The following GALNT17 variants were observed in gnomAD, a reference collection of about 807,000 sequenced individuals.
GALNT17 encodes polypeptide N-acetylgalactosaminyltransferase 17, also known as UDP-GalNAc:polypeptide N-acetylgalactosaminyltransferase-like 3.
Under a neutral mutation model 63.7 loss-of-function variants are expected in GALNT17, and 29 were observed. The observed-to-expected ratio is 0.46, with a 90% CI of 0.34 to 0.62. The LOEUF is 0.62. Among genes scored for constraint, GALNT17 ranks in the 20% least tolerant of loss-of-function variants. GALNT17 has a pLI of 0.01. For missense variants in GALNT17, 603 were observed against 799.6 expected (o/e 0.75, Z 2.97); for synonymous variants, 305 against 318.3 (o/e 0.96, Z 0.45).
chr7:71,302,345 G>C (rs1282436944), intron 1 of GALNT17, among the ~76,000 whole-genome samples: 2 of 152,180 alleles, frequency 1.3e-5, no homozygotes, highest in Non-Finnish European at 2.9e-5. Flanking sequence ...GTGTATCCCA[G>C]AACCTAAAAT....
chr7:71,201,626 G>GTT lies in GALNT17; in HGVS notation c.238+68600_238+68601dup, dbSNP rs35370760. ...AATTATACTTTATTTTACTTTGCCA[G>GTT]TTTTTTTTTTTTTTTAGTTTTTTGA... On this transcript the variant is annotated intron_variant, in intron 1 of 10. Transcript: ENST00000333538. Among the ~76,000 whole-genome samples, 187 of 140,270 alleles carry GTT rather than the reference G, an allele frequency of 1.3e-3. 1 individual carries two copies. Among genetic ancestry groups the GTT allele is most frequent in the Middle Eastern group, 3.6e-3 (1 of 274 alleles). 92.0% of individuals were successfully genotyped at this position (140,270 alleles called of 152,430 possible).
chr7:71,468,046 G>A (rs1043119668), intron 5 of GALNT17, among the ~76,000 whole-genome samples: 2 of 151,764 alleles, frequency 1.3e-5, no homozygotes, highest in Non-Finnish European at 2.9e-5. Flanking sequence ...TTAAATTTTA[G>A]AGACAGGGTC....
intron 6 of GALNT17, among the ~76,000 whole-genome samples, chr7:71,659,389 A>G (rs1187620968): frequency 2.6e-5 from 4 of 152,176 alleles, no homozygotes; most frequent in African/African-American, 9.7e-5. Flanking sequence ...GGCCCTGGCT[A>G]TGCTTATGCA....
intron 1 of GALNT17, among the ~76,000 whole-genome samples, chr7:71,177,188 C>T (rs1238253848): frequency 2.0e-5 from 3 of 152,168 alleles, no homozygotes; most frequent in African/African-American, 7.2e-5. Context: ...ACACTGATCT[C>T]TCTTGGTATC....
At chr7:71,691,491 T>C (rs1584141260) in intron 9 of GALNT17, among the ~76,000 whole-genome samples, 2 of 152,214 alleles carry the variant, frequency 1.3e-5, no homozygotes, top group Admixed American at 6.5e-5. Flanking sequence ...AAGATATGCC[T>C]GTATTTGATT....
chr7:71,194,768 C>A (rs1789015161), intron 1 of GALNT17, among the ~76,000 whole-genome samples: 1 of 152,194 alleles, frequency 6.6e-6, no homozygotes, highest in Non-Finnish European at 1.5e-5. Flanking sequence ...CAGTTTTTCC[C>A]CTTTGGTTAC....
intron 2 of GALNT17, among the ~76,000 whole-genome samples, chr7:71,360,780 C>G (rs910906857): frequency 6.6e-6 from 1 of 151,994 alleles, no homozygotes; most frequent in Non-Finnish European, 1.5e-5. Flanking sequence ...TAAAAAAAAC[C>G]CACAAAAATT....
chr7:71,379,820 T>C (rs1792811619), intron 2 of GALNT17, among the ~76,000 whole-genome samples: 1 of 152,032 alleles, frequency 6.6e-6, no homozygotes, highest in Non-Finnish European at 1.5e-5. Context: ...AGATGTGGGT[T>C]TGGGAGTTGC....
chr7:71,683,217 GT>G (rs963685695), intron 9 of GALNT17, among the ~76,000 whole-genome samples: 1 of 152,106 alleles, frequency 6.6e-6, no homozygotes, highest in Non-Finnish European at 1.5e-5. Context: ...TCAATCTCAT[GT>G]TGCTTTCTGT....
At chr7:71,337,496 T>A (rs1791929042) in intron 2 of GALNT17, among the ~76,000 whole-genome samples, 1 of 152,190 alleles carries the variant, frequency 6.6e-6, no homozygotes, top group African/African-American at 2.4e-5. Flanking sequence ...CAATACTGGG[T>A]ACTAGCATGT....
intron 1 of GALNT17, among the ~76,000 whole-genome samples, chr7:71,236,784 A>G (rs956919193): frequency 1.3e-5 from 2 of 152,204 alleles, no homozygotes; most frequent in African/African-American, 4.8e-5. Context: ...GGGTGTTTAC[A>G]AAAACTGCAC....
At chr7:71,217,392 A>C (rs1446043051) in intron 1 of GALNT17, among the ~76,000 whole-genome samples, 1 of 151,908 alleles carries the variant, frequency 6.6e-6, no homozygotes, top group Non-Finnish European at 1.5e-5. Context: ...AGATGTGTTT[A>C]GTTTTCATGA....
At chr7:71,255,078 C>T (rs1790265573) in intron 1 of GALNT17, among the ~76,000 whole-genome samples, 1 of 152,138 alleles carries the variant, frequency 6.6e-6, no homozygotes, top group Non-Finnish European at 1.5e-5. Context: ...CCAGTGGATT[C>T]CTATCTATTT....
intron 5 of GALNT17, among the ~76,000 whole-genome samples, chr7:71,548,111 G>A (rs962286996): frequency 6.6e-5 from 10 of 151,696 alleles, no homozygotes; most frequent in Admixed American, 2.0e-4. Context: ...GTGTAGTGGC[G>A]TGCACCTGTA....
At chr7:71,354,235 A>G (rs556463664) in intron 2 of GALNT17, among the ~76,000 whole-genome samples, 24 of 152,292 alleles carry the variant, frequency 1.6e-4, no homozygotes, top group Middle Eastern at 3.4e-3. Context: ...ATGGTAGTCA[A>G]TTATGTTTCC....
In GALNT17 at chr7:71,250,168, C is replaced by T. The variant is rs562173508; in HGVS notation, c.239-85382C>T. 6.6e-5 allele frequency among the ~76,000 whole-genome samples: 10 copies of T among 152,244 alleles called. No homozygotes were observed. The East Asian group carries it at 1.7e-3, about 26-fold the overall frequency. On this transcript the variant is annotated intron_variant, in intron 1 of 10. Coordinates refer to ENST00000333538, the MANE Select transcript of GALNT17 (RefSeq NM_022479.3). The stretch of plus-strand genomic sequence containing the variant: ...TGGAAAGCATTAGTTTCTCATTCAT[C>T]GTTTAAATGTCATCTTTACCTTGAG...
At chr7:71,492,418 C>T (rs1788026927) in intron 5 of GALNT17, among the ~76,000 whole-genome samples, 1 of 152,206 alleles carries the variant, frequency 6.6e-6, no homozygotes, top group Non-Finnish European at 1.5e-5. Flanking sequence ...AGGAGCCTCT[C>T]ACTTACACCC....
At chr7:71,162,472 G>T (rs988784202) in intron 1 of GALNT17, among the ~76,000 whole-genome samples, 1 of 151,332 alleles carries the variant, frequency 6.6e-6, no homozygotes, top group East Asian at 1.9e-4. Flanking sequence ...ACAATATGTC[G>T]GGTCCAAAGA....
At chr7:71,244,642 G>T (rs116445447) in intron 1 of GALNT17, among the ~76,000 whole-genome samples, 132 of 152,290 alleles carry the variant, frequency 8.7e-4, no homozygotes, top group African/African-American at 3.1e-3. Flanking sequence ...TGAAGGCAGA[G>T]ACTGGGATCC....
Sources: gnomAD v4.1 joint callset for allele counts (sites outside exome capture counted in the v4.1 genomes callset) on GRCh38, gnomAD v4.1.1 for gene constraint, MANE v1.5 for transcripts, NCBI Gene and HGNC (gene_info 2026-07-23, HGNC 2026-07-21) for gene names.